The following SMTNL2 variants were observed in gnomAD, a reference collection of about 807,000 sequenced individuals.
The protein encoded by SMTNL2 is smoothelin like 2, also known as smoothelin-like protein 2.
Under a neutral mutation model 44.1 loss-of-function variants are expected in SMTNL2, and 43 were observed. That is an observed-to-expected ratio of 0.98 (90% CI 0.76 to 1.26). The LOEUF (loss-of-function observed/expected upper bound fraction) is 1.26, where lower values mean the gene tolerates loss of function less well. Ranked by LOEUF, SMTNL2 falls within the 50% of genes most tolerant of loss-of-function variation. SMTNL2 has a pLI of 0.00. For synonymous variants in SMTNL2, 317 were observed against 287.6 expected, an observed-to-expected ratio of 1.10 and a Z score of -1.03; for missense variants, 646 against 670.2, an observed-to-expected ratio of 0.96 and a Z score of 0.40.
At chr17:4,585,370 AC>A (rs138305472) in intron 1 of SMTNL2, among the ~76,000 whole-genome samples, 1 of 152,166 alleles carries the variant, frequency 6.6e-6, no homozygotes, top group Non-Finnish European at 1.5e-5. Context: ...AATGGTCGAC[AC>A]CCCTGCCTGA....
At chr17:4,597,418 G>A (rs1909866040) in intron 7 of SMTNL2, 95 bp downstream of exon 7, 4 of 1,531,984 alleles carry the variant, frequency 2.6e-6, no homozygotes, top group Admixed American at 1.9e-5. Flanking sequence ...TGGGATGTCG[G>A]GCCGCTGTCT....
At position 4,595,851 on chromosome 17, in the gene SMTNL2, C is replaced by T. The variant is rs1909784527; in HGVS notation, c.989+524C>T. Among the ~76,000 whole-genome samples the T allele has an allele frequency of 6.6e-6, 1 of 152,270 alleles. No individual in the cohort carries two copies. Among genetic ancestry groups the T allele is most frequent in the South Asian group, 2.1e-4 (1 of 4,836 alleles). ...AGGCTCCAGCCCACCTTTGCATATT[C>T]AGCCAGTCCTCGTGTCAGTGCATGG... On this transcript the variant is annotated intron_variant, in intron 5 of 7. Coordinates refer to ENST00000389313, the MANE Select transcript of SMTNL2 (RefSeq NM_001114974.2). The surrounding 1 kb of genome is among the most constrained non-coding windows in gnomAD (Gnocchi z 5.1).
chr17:4,604,478 C>T (rs538173072), intron 7 of SMTNL2, among the ~76,000 whole-genome samples: 34 of 152,208 alleles, frequency 2.2e-4, no homozygotes, highest in African/African-American at 7.7e-4. Flanking sequence ...GTCTCTGGAG[C>T]ACACAGCCGC....
Position 4,584,600 on chromosome 17 carries a change from T to TG in SMTNL2, c.-3dup. On this transcript the variant is annotated 5_prime_UTR_variant, in exon 1 of 8. Transcript: ENST00000389313. Reference sequence around the variant, plus strand: ...CCCGCTCTCGACCCGCGCGCTCTGCTGGGCCATGGAGCCGGCCCCCGACGC... The same window carrying TG: ...CCCGCTCTCGACCCGCGCGCTCTGCTGGGGCCATGGAGCCGGCCCCCGACGC... 8.1e-7 allele frequency: 1 copy of TG among 1,233,934 alleles called. No individual in the cohort carries two copies. The highest frequency in any genetic ancestry group is 4.3e-5 in the Admixed American group (1 of 23,248). The allele number at this position is 1,233,934 out of a possible 1,614,324, so 76.4% of individuals were successfully genotyped here. A position where few individuals can be genotyped will look rare whatever the true frequency, so the allele number is the denominator to read the frequency against.
intron 1 of SMTNL2, among the ~76,000 whole-genome samples, chr17:4,585,315 C>T (rs865813235): frequency 2.6e-5 from 4 of 152,376 alleles, no homozygotes; most frequent in Middle Eastern, 3.4e-3. Flanking sequence ...CGAAGTCCGG[C>T]CCCTGACTGT....
rs1909987000 is a variant in SMTNL2, at chr17:4,600,532, C to T, written c.1259+3209C>T. Among the ~76,000 whole-genome samples the T allele has an allele frequency of 1.3e-5, 2 of 152,126 alleles. No homozygotes were observed. The highest frequency in any genetic ancestry group is 2.9e-5 in the Non-Finnish European group (2 of 68,024). On this transcript the variant is annotated intron_variant, in intron 7 of 7. Coordinates refer to ENST00000389313, the MANE Select transcript of SMTNL2 (RefSeq NM_001114974.2). This position sits in a 1 kb window ranked among gnomAD's most constrained non-coding sequence, Gnocchi z 4.7. ...ACAAGGATCAAGGATGCACCAGGGA[C>T]CTTTGGAGTAAAAGTGGTGTGTGCT...
chr17:4,584,657 G>T lies in SMTNL2; in HGVS notation c.52G>T (p.Gly18Cys), dbSNP rs1300593578. The change falls in exon 1 of 8, where the codon GGC becomes TGC. Residue 18 changes from glycine (G) to cysteine (C), a missense_variant. Coordinates refer to ENST00000389313, the MANE Select transcript of SMTNL2 (RefSeq NM_001114974.2). ...GGCGCGCACTGTGCGCGAGGCGCTG[G>T]GCCGCTACGAGGCGGCGCTGGAGGG... Reference protein sequence around the residue: ...QEARTVREALGRYEAALEGAV... With the variant: ...QEARTVREALCRYEAALEGAV... 1 of 1,274,906 alleles carries T rather than the reference G, an allele frequency of 7.8e-7. No homozygotes were observed. The highest frequency in any genetic ancestry group is 3.2e-5 in the East Asian group (1 of 31,110). 79.0% of individuals were successfully genotyped at this position (1,274,906 alleles called of 1,614,324 possible).
In SMTNL2 at chr17:4,607,602, T is replaced by C; in HGVS notation, c.*115T>C. 6.7e-7 allele frequency: 1 copy of C among 1,498,376 alleles called. No individual in the cohort carries two copies. The highest frequency in any genetic ancestry group is 1.3e-5 in the South Asian group (1 of 77,696). 92.8% of individuals were successfully genotyped at this position (1,498,376 alleles called of 1,614,324 possible). A position where few individuals can be genotyped will look rare whatever the true frequency, so the allele number is the denominator to read the frequency against. ...TTGCCGTTTGGTGTGAGCGCGCTGTTTGTTCTGTGGCATGTGACGGCACTC... is the reference window on the plus strand; with the variant it reads ...TTGCCGTTTGGTGTGAGCGCGCTGTCTGTTCTGTGGCATGTGACGGCACTC... On this transcript the variant is annotated 3_prime_UTR_variant, in exon 8 of 8. Transcript: ENST00000389313. The surrounding 1 kb of genome is among the most constrained non-coding windows in gnomAD (Gnocchi z 4.7).
intron 1 of SMTNL2, among the ~76,000 whole-genome samples, chr17:4,591,693 G>A (rs1180189579): frequency 2.0e-5 from 3 of 152,198 alleles, no homozygotes; most frequent in Admixed American, 6.5e-5. Context: ...GAACTGATGT[G>A]GCCCAGGTCA....
At chr17:4,604,656 G>A (rs963609277) in intron 7 of SMTNL2, among the ~76,000 whole-genome samples, 6 of 152,092 alleles carry the variant, frequency 3.9e-5, no homozygotes, top group Admixed American at 3.9e-4. Context: ...GGGAGGGACA[G>A]CAGAGGTGGT....
At position 4,607,305 on chromosome 17, in the gene SMTNL2, C is replaced by G; in HGVS notation, c.1260-56C>G. ...GACCGAGACACCGGCCCTGTCGCGGCTGTGGGGCTGGCTGATGGCTGGGAC... is the reference window on the plus strand; with the variant it reads ...GACCGAGACACCGGCCCTGTCGCGGGTGTGGGGCTGGCTGATGGCTGGGAC... On this transcript the variant is annotated intron_variant, in intron 7 of 7. Transcript: ENST00000389313. The surrounding 1 kb of genome is among the most constrained non-coding windows in gnomAD (Gnocchi z 4.7). 1 of 1,607,308 alleles carries G rather than the reference C, an allele frequency of 6.2e-7. No homozygotes were observed. The highest frequency in any genetic ancestry group is 8.5e-7 in the Non-Finnish European group (1 of 1,175,338).
At chr17:4,586,829 T>A (rs1452181745) in intron 1 of SMTNL2, among the ~76,000 whole-genome samples, 2 of 151,978 alleles carry the variant, frequency 1.3e-5, no homozygotes, top group Non-Finnish European at 2.9e-5. Context: ...GATGGGGTAG[T>A]CTCAGAGGGG....
intron 1 of SMTNL2, among the ~76,000 whole-genome samples, chr17:4,591,398 G>T (rs111315955): frequency 5.1e-4 from 78 of 152,238 alleles, no homozygotes; most frequent in African/African-American, 1.8e-3. Context: ...CGCCCTGGCT[G>T]TGAGGAGGGC....
At chr17:4,593,775 C>T (rs1909683909) in intron 3 of SMTNL2, 47 bp from the exon 4 acceptor site, 1 of 1,591,366 alleles carries the variant, frequency 6.3e-7, no homozygotes, top group Non-Finnish European at 8.6e-7. Context: ...ATGGCGGGCC[C>T]TCCCTGGGGC....
chr17:4,584,395 C>T (rs1287466147), upstream of SMTNL2: 1 of 426,302 alleles, frequency 2.3e-6, no homozygotes, highest in Non-Finnish European at 3.8e-6. Context: ...GCTGGGCGAG[C>T]TCTCCCTCCG....
chr17:4,606,136 TGAGACG>T (rs1405234013), intron 7 of SMTNL2, among the ~76,000 whole-genome samples: 2 of 151,742 alleles, frequency 1.3e-5, no homozygotes, highest in African/African-American at 4.9e-5. Flanking sequence ...TTTTTTTTTT[TGAGACG>T]GAGTCTTTCT....
In SMTNL2 at chr17:4,596,896, G is replaced by T; in HGVS notation, c.1026G>T (p.Ser342=). ...KGEARARLKR[S]QSFGVASASS... ...AGGCCCGGGCCAGGCTGAAGCGGTCGCAGAGCTTCGGCGTGGCCAGCGCCA... is the reference window on the plus strand; with the variant it reads ...AGGCCCGGGCCAGGCTGAAGCGGTCTCAGAGCTTCGGCGTGGCCAGCGCCA... Residue 342 remains serine, a synonymous_variant, in exon 6 of 8, where the codon TCG becomes TCT. Coordinates refer to ENST00000389313, the MANE Select transcript of SMTNL2 (RefSeq NM_001114974.2). 6.6e-7 allele frequency: 1 copy of T among 1,515,962 alleles called. No homozygotes were observed. Among genetic ancestry groups the T allele is most frequent in the Non-Finnish European group, 8.9e-7 (1 of 1,126,838 alleles). 93.9% of individuals were successfully genotyped at this position (1,515,962 alleles called of 1,614,324 possible).
chr17:4,595,119 T>C lies in SMTNL2; in HGVS notation c.807-26T>C. 2 of 1,612,750 alleles carry C rather than the reference T, an allele frequency of 1.2e-6. No individual in the cohort carries two copies. ...GCTAGTGATGGCTGCTGGGCCCAGG[T>C]CCCAACTCGGCGATTCTTTCCTCAG... On this transcript the variant is annotated intron_variant, in intron 4 of 7. Coordinates refer to ENST00000389313, the MANE Select transcript of SMTNL2 (RefSeq NM_001114974.2). This position sits in a 1 kb window ranked among gnomAD's most constrained non-coding sequence, Gnocchi z 5.1.
rs1038433651 is a variant in SMTNL2 at position 4,600,043 on chromosome 17, CG to C, written c.1259+2726del. Among the ~76,000 whole-genome samples the C allele has an allele frequency of 2.6e-5, 4 of 152,212 alleles. No individual in the cohort carries two copies. In the East Asian group the frequency reaches 5.8e-4, roughly 22 times the overall value. Reference sequence around the variant, plus strand: ...AGGGGCGTCCACCGCAGGCCTGTGCCGGGGGGTCGGGGGAGTTTGCTCAGAG... The same window carrying C: ...AGGGGCGTCCACCGCAGGCCTGTGCCGGGGGTCGGGGGAGTTTGCTCAGAG... On this transcript the variant is annotated intron_variant, in intron 7 of 7. Coordinates refer to ENST00000389313, the MANE Select transcript of SMTNL2 (RefSeq NM_001114974.2). The surrounding 1 kb of genome is among the most constrained non-coding windows in gnomAD (Gnocchi z 4.7).
Sources: gnomAD v4.1 joint callset for allele counts (sites outside exome capture counted in the v4.1 genomes callset) on GRCh38, gnomAD v4.1.1 for gene constraint, Gnocchi (gnomAD v3.1) non-coding constraint, MANE v1.5 for transcripts, NCBI Gene and HGNC (gene_info 2026-07-23, HGNC 2026-07-21) for gene names.